Variants in NCOA3 observed in about 807,000 individuals in gnomAD.
The protein encoded by NCOA3 is nuclear receptor coactivator 3.
In NCOA3, 51 loss-of-function variants were observed where a neutral mutation model predicts 158.8. That is an observed-to-expected ratio of 0.32 (90% CI 0.26 to 0.41). The LOEUF (loss-of-function observed/expected upper bound fraction) is 0.41, where lower values mean the gene tolerates loss of function less well. Ranked by LOEUF, NCOA3 falls within the 10% of genes least tolerant of loss-of-function variation. The probability of loss-of-function intolerance (pLI) is 1.00; values close to 1 mark genes in which losing one functional copy is unlikely to be tolerated. For missense variants in NCOA3, 1,510 were observed against 1,746.6 expected, an observed-to-expected ratio of 0.86 and a Z score of 2.41; for synonymous variants, 537 against 592.4, an observed-to-expected ratio of 0.91 and a Z score of 1.36.
At chr20:47,572,151 G>C (rs1056468710) in intron 1 of NCOA3, among the ~76,000 whole-genome samples, 1 of 152,184 alleles carries the variant, frequency 6.6e-6, no homozygotes, top group African/African-American at 2.4e-5. Flanking sequence ...TTATGGTCTT[G>C]CTTTGGCTTA....
chr20:47,606,144 C>G (rs577980934), intron 2 of NCOA3, among the ~76,000 whole-genome samples: 1 of 152,296 alleles, frequency 6.6e-6, no homozygotes, highest in South Asian at 2.1e-4. Context: ...GCTCCTGGCC[C>G]TAAAACATTT....
chr20:47,626,787 G>T (rs746134359), intron 5 of NCOA3, among the ~76,000 whole-genome samples: 1 of 152,054 alleles, frequency 6.6e-6, no homozygotes, highest in South Asian at 2.1e-4. Flanking sequence ...TTTTCTCTGC[G>T]TGCACATTCC....
chr20:47,522,380 A>G (rs1602339489), intron 1 of NCOA3, among the ~76,000 whole-genome samples: 1 of 149,834 alleles, frequency 6.7e-6, no homozygotes, highest in Non-Finnish European at 1.5e-5. Context: ...TGCTGGGATT[A>G]CAGGCGTGAG....
intron 2 of NCOA3, among the ~76,000 whole-genome samples, chr20:47,600,289 C>T (rs2085838699): frequency 6.6e-6 from 1 of 151,888 alleles, no homozygotes; most frequent in Admixed American, 6.6e-5. Context: ...ATTCTCCTGC[C>T]TTAGCCTCCC....
intron 1 of NCOA3, among the ~76,000 whole-genome samples, chr20:47,502,264 T>A (rs72661169): frequency 6.6e-6 from 1 of 152,270 alleles, no homozygotes; most frequent in East Asian, 1.9e-4. Context: ...GCAGTCCGCT[T>A]GGGGATCCGA....
chr20:47,507,838 C>T (rs1462045759), intron 1 of NCOA3, among the ~76,000 whole-genome samples: 3 of 152,100 alleles, frequency 2.0e-5, no homozygotes, highest in African/African-American at 2.4e-5. Context: ...AGGCTGGTCT[C>T]GAATTCCCAG....
rs1166242004 is a variant in NCOA3, at chr20:47,656,234, A to T, written c.*2817A>T. 6.6e-6 allele frequency: 1 copy of T among 151,958 alleles called. No homozygotes were observed. Among genetic ancestry groups the T allele is most frequent in the African/African-American group, 2.4e-5 (1 of 41,378 alleles). 9.4% of individuals were successfully genotyped at this position (151,958 alleles called of 1,614,324 possible). A position where few individuals can be genotyped will look rare whatever the true frequency, so the allele number is the denominator to read the frequency against. ...TACATGTTTCTTCCTTTAAAAAATA[A>T]ACGGAAGTTACATTGTTAATGTTCA... On this transcript the variant is annotated 3_prime_UTR_variant, in exon 23 of 23. Coordinates refer to ENST00000371998, the MANE Select transcript of NCOA3 (RefSeq NM_181659.3).
chr20:47,575,281 G>A (rs998304521), intron 1 of NCOA3, among the ~76,000 whole-genome samples: 1 of 152,120 alleles, frequency 6.6e-6, no homozygotes, highest in Admixed American at 6.5e-5. Flanking sequence ...TTTGTAAAAA[G>A]AAGATATACA....
chr20:47,518,034 G>A (rs116775763), intron 1 of NCOA3, among the ~76,000 whole-genome samples: 1,671 of 152,120 alleles, frequency 0.011, 34 homozygotes, highest in African/African-American at 0.038. Flanking sequence ...AAACTGACTC[G>A]AGGGTTGAAT....
At chr20:47,521,309 G>A (rs754238945) in intron 1 of NCOA3, among the ~76,000 whole-genome samples, 3 of 152,094 alleles carry the variant, frequency 2.0e-5, no homozygotes, top group Non-Finnish European at 4.4e-5. Context: ...ATAAAGTTTC[G>A]GTGCCACAAA....
intron 2 of NCOA3, among the ~76,000 whole-genome samples, chr20:47,583,754 G>A (rs1328283098): frequency 6.6e-6 from 1 of 152,144 alleles, no homozygotes; most frequent in Admixed American, 6.5e-5. Context: ...CCAGGAGTTT[G>A]AGAACAGTCT....
At chr20:47,619,954 C>T (rs889985372) in intron 2 of NCOA3, among the ~76,000 whole-genome samples, 1 of 151,956 alleles carries the variant, frequency 6.6e-6, no homozygotes, top group Non-Finnish European at 1.5e-5. Flanking sequence ...TGCCACCACG[C>T]CCAGCTAATT....
At chr20:47,597,482 CT>C (rs772828107) in intron 2 of NCOA3, among the ~76,000 whole-genome samples, 6,635 of 125,272 alleles carry the variant, frequency 0.053, 146 homozygotes, top group Middle Eastern at 0.096. Flanking sequence ...CTAACCTGTG[CT>C]TTTTTTTTTT....
chr20:47,523,081 G>T (rs1171271603), intron 1 of NCOA3, among the ~76,000 whole-genome samples: 1 of 151,590 alleles, frequency 6.6e-6, no homozygotes, highest in Non-Finnish European at 1.5e-5. Context: ...AGCTACTCCG[G>T]AGGCTGAGGC....
chr20:47,541,569 G>A (rs2084738331), intron 1 of NCOA3, among the ~76,000 whole-genome samples: 1 of 148,554 alleles, frequency 6.7e-6, no homozygotes, highest in Non-Finnish European at 1.5e-5. Context: ...TTGTAGAGAT[G>A]GGGCCTTTCT....
intron 20 of NCOA3, 112 bp downstream of exon 20, chr20:47,651,388 T>G: frequency 6.8e-7 from 1 of 1,472,116 alleles, no homozygotes; most frequent in Non-Finnish European, 9.0e-7. Context: ...CCCTCTTTAC[T>G]TCACAAGGAA....
At chr20:47,531,367 A>AC (rs397803602) in intron 1 of NCOA3, among the ~76,000 whole-genome samples, 2 of 152,064 alleles carry the variant, frequency 1.3e-5, no homozygotes, top group East Asian at 1.9e-4. Flanking sequence ...AAACAAACAA[A>AC]AAGAAATTGG....
intron 1 of NCOA3, among the ~76,000 whole-genome samples, chr20:47,508,196 C>T (rs1230111756): frequency 4.6e-5 from 7 of 152,068 alleles, no homozygotes; most frequent in Admixed American, 1.3e-4. Flanking sequence ...TCTTTCTGTC[C>T]TGTACTTTTA....
chr20:47,511,075 G>T (rs899988503), intron 1 of NCOA3, among the ~76,000 whole-genome samples: 1 of 151,988 alleles, frequency 6.6e-6, no homozygotes, highest in African/African-American at 2.4e-5. Context: ...TGACCTCCAA[G>T]TGTGCACAAT....
Sources: allele counts gnomAD v4.1 joint callset (sites outside exome capture counted in the v4.1 genomes callset), GRCh38; gene constraint gnomAD v4.1.1; transcripts MANE v1.5; gene names NCBI Gene and HGNC (gene_info 2026-07-23, HGNC 2026-07-21).